RASGEF1C: variants seen among roughly 807,000 people sequenced by gnomAD.
The protein encoded by RASGEF1C is RasGEF domain family member 1C.
Under a neutral mutation model 58.1 loss-of-function variants are expected in RASGEF1C, and 27 were observed. The ratio of observed to expected loss-of-function variants is 0.46; its 90% CI spans 0.34 to 0.64. RASGEF1C has a LOEUF of 0.64. Ranked by LOEUF, RASGEF1C falls within the 30% of genes least tolerant of loss-of-function variation. The pLI is 0.01. For synonymous variants in RASGEF1C, 243 were observed against 246.3 expected, an observed-to-expected ratio of 0.99 and a Z score of 0.13; for missense variants, 502 against 605.1, an observed-to-expected ratio of 0.83 and a Z score of 1.79.
intron 1 of RASGEF1C, among the ~76,000 whole-genome samples, chr5:180,148,273 G>C (rs990627457): frequency 2.6e-5 from 4 of 152,064 alleles, no homozygotes; most frequent in African/African-American, 9.6e-5. Flanking sequence ...ATATATAGTT[G>C]GATCTTTTTT....
intron 6 of RASGEF1C, among the ~76,000 whole-genome samples, chr5:180,122,265 C>T (rs564014882): frequency 6.6e-6 from 1 of 152,278 alleles, no homozygotes; most frequent in South Asian, 2.1e-4. Context: ...GTAATGGGCA[C>T]CAGCTGTGTG....
chr5:180,148,309 T>C (rs1056017967), intron 1 of RASGEF1C, among the ~76,000 whole-genome samples: 1 of 152,202 alleles, frequency 6.6e-6, no homozygotes, highest in Non-Finnish European at 1.5e-5. Flanking sequence ...CCAATCTTTG[T>C]CTTTTGACTA....
In RASGEF1C at chr5:180,125,395, C is replaced by A. The variant is rs533609626; in HGVS notation, c.714+2214G>T. 2.6e-5 allele frequency among the ~76,000 whole-genome samples: 4 copies of A among 152,190 alleles called. No homozygotes were observed. In the South Asian group the frequency reaches 8.3e-4, roughly 32 times the overall value. On this transcript the variant is annotated intron_variant, in intron 6 of 13. Coordinates refer to ENST00000361132, the MANE Select transcript of RASGEF1C (RefSeq NM_175062.4). ...AACATCATACTCTATTGGGACAACA[C>A]GTTAAAAGCATTCCTTTGAAAATCA... is the stretch of plus-strand genomic sequence containing the variant.
chr5:180,116,689 G>A (rs774834328), intron 10 of RASGEF1C, among the ~76,000 whole-genome samples: 2 of 152,234 alleles, frequency 1.3e-5, no homozygotes, highest in South Asian at 2.1e-4. Context: ...GTGTCCCAGC[G>A]GAGATGAAGG....
At position 180,101,332 on chromosome 5, in the gene RASGEF1C, T is replaced by A; in HGVS notation, c.*169A>T. The A allele has an allele frequency of 2.8e-6, 2 of 714,676 alleles. No individual in the cohort carries two copies. Among genetic ancestry groups the A allele is most frequent in the Non-Finnish European group, 4.4e-6 (2 of 449,486 alleles). The allele number at this position is 714,676 out of a possible 1,614,324, so 44.3% of individuals were successfully genotyped here. On this transcript the variant is annotated 3_prime_UTR_variant, in exon 14 of 14. Coordinates refer to ENST00000361132, the MANE Select transcript of RASGEF1C (RefSeq NM_175062.4). ...GGCCAAAGTCCCATAAAAGGTCTCC[T>A]GTGCCCGTATGGCCACTGTGGGGGG...
intron 1 of RASGEF1C, among the ~76,000 whole-genome samples, chr5:180,172,372 C>T (rs114736750): frequency 5.3e-5 from 8 of 152,182 alleles, no homozygotes; most frequent in African/African-American, 1.9e-4. Context: ...GGATGCCCAG[C>T]TCTCTACTGC....
intron 1 of RASGEF1C, among the ~76,000 whole-genome samples, chr5:180,203,240 T>C (rs1756427596): frequency 1.3e-5 from 2 of 152,344 alleles, no homozygotes; most frequent in African/African-American, 4.8e-5. Context: ...AGGATATCAC[T>C]ACTGGGATTA....
intron 1 of RASGEF1C, among the ~76,000 whole-genome samples, chr5:180,180,748 C>A (rs570301350): frequency 4.6e-5 from 7 of 152,224 alleles, no homozygotes; most frequent in Non-Finnish European, 7.3e-5. Flanking sequence ...TGGAGTATAA[C>A]CTACATCCTG....
At chr5:180,120,435 A>T (rs1419307718) in intron 7 of RASGEF1C, among the ~76,000 whole-genome samples, 1 of 152,054 alleles carries the variant, frequency 6.6e-6, no homozygotes, top group East Asian at 1.9e-4. Context: ...TGCTGCGGAG[A>T]GCCCAGCCTG....
At chr5:180,203,073 C>CGCTACTGCA (rs1756424971) in intron 1 of RASGEF1C, among the ~76,000 whole-genome samples, 1 of 152,104 alleles carries the variant, frequency 6.6e-6, no homozygotes, top group Non-Finnish European at 1.5e-5. Context: ...ACTGGGAAAA[C>CGCTACTGCA]TTTGGCAAAA....
At chr5:180,121,673 A>G (rs1561734520) in intron 6 of RASGEF1C, among the ~76,000 whole-genome samples, 1 of 39,320 alleles carries the variant, frequency 2.5e-5, no homozygotes, top group Admixed American at 3.1e-4. Context: ...ACACACACAC[A>G]CACACACACC....
chr5:180,149,218 G>T (rs1451214372), intron 1 of RASGEF1C, among the ~76,000 whole-genome samples: 1 of 150,362 alleles, frequency 6.7e-6, no homozygotes, highest in Non-Finnish European at 1.5e-5. Flanking sequence ...CTCCCAAGTA[G>T]TTGGGACTAC....
At chr5:180,112,032 C>T (rs1765967415) in intron 11 of RASGEF1C, among the ~76,000 whole-genome samples, 5 of 152,098 alleles carry the variant, frequency 3.3e-5, no homozygotes, top group Admixed American at 6.5e-5. Context: ...TTTGATCTGC[C>T]CTGGAAGCCA....
At chr5:180,141,567 G>T (rs6897364) in intron 1 of RASGEF1C, among the ~76,000 whole-genome samples, 142,125 of 152,198 alleles carry the variant, frequency 0.93, 67,165 homozygotes, top group East Asian at 1. Context: ...GGGTGGGACA[G>T]GAGAACAGAG....
intron 12 of RASGEF1C, among the ~76,000 whole-genome samples, chr5:180,105,192 T>G (rs1582257463): frequency 6.6e-6 from 1 of 152,236 alleles, no homozygotes; most frequent in East Asian, 1.9e-4. Flanking sequence ...ATTTTTTCCC[T>G]TGAGAACTTT....
intron 1 of RASGEF1C, among the ~76,000 whole-genome samples, chr5:180,189,450 G>A (rs887899025): frequency 3.3e-5 from 5 of 152,140 alleles, no homozygotes; most frequent in African/African-American, 1.2e-4. Flanking sequence ...AAAGTTGAAG[G>A]GCTTATGCTG....
At chr5:180,129,454 G>A (rs1227887340) in intron 4 of RASGEF1C, among the ~76,000 whole-genome samples, 1 of 152,132 alleles carries the variant, frequency 6.6e-6, no homozygotes, top group Non-Finnish European at 1.5e-5. Context: ...CCCGCCACCA[G>A]AGCACAGGGC....
At chr5:180,106,718 C>A (rs950327258) in intron 12 of RASGEF1C, among the ~76,000 whole-genome samples, 1 of 152,080 alleles carries the variant, frequency 6.6e-6, no homozygotes, top group African/African-American at 2.4e-5. Context: ...ATTCTGGGGG[C>A]AATTTTAAAA....
chr5:180,121,021 G>T, intron 7 of RASGEF1C, 39 bp downstream of exon 7: 1 of 1,491,018 alleles, frequency 6.7e-7, no homozygotes, highest in Non-Finnish European at 9.4e-7. Context: ...GGCCGCCTGG[G>T]GCTATGCCAG....
Sources: gnomAD v4.1 joint callset for allele counts (sites outside exome capture counted in the v4.1 genomes callset) on GRCh38, gnomAD v4.1.1 for gene constraint, MANE v1.5 for transcripts, NCBI Gene and HGNC (gene_info 2026-07-23, HGNC 2026-07-21) for gene names.